The following MUC5AC variants were observed in gnomAD, a reference collection of about 807,000 sequenced individuals.
The protein encoded by MUC5AC is mucin-5AC.
Under a neutral mutation model 169.7 loss-of-function variants are expected in MUC5AC, and 158 were observed. The ratio of observed to expected loss-of-function variants is 0.93; its 90% CI spans 0.82 to 1.06. The LOEUF is 1.06. Among genes scored for constraint, MUC5AC ranks in the 50% least tolerant of loss-of-function variants. MUC5AC has a pLI of 0.00. For synonymous variants in MUC5AC, 1,975 were observed against 1,237.0 expected, an observed-to-expected ratio of 1.60 and a Z score of -12.52; for missense variants, 4,359 against 3,089.9, an observed-to-expected ratio of 1.41 and a Z score of -9.74.
rs773943954 is a variant in MUC5AC, at chr11:1,200,603, G to C, written c.16866G>C (p.Pro5622=). 12 of 764,382 alleles carry C rather than the reference G, an allele frequency of 1.6e-5. No homozygotes were observed. The Admixed American group carries it at 1.9e-4, about 12-fold the overall frequency. The allele number at this position is 764,382 out of a possible 1,614,324, so 47.3% of individuals were successfully genotyped here. Residue 5622 remains proline (P), a synonymous_variant, in exon 49 of 49, where the codon CCG becomes CCC. Coordinates refer to ENST00000621226, the MANE Select transcript of MUC5AC (RefSeq NM_001304359.2). The part of the protein sequence containing the change: ...CGCMGRRCPA[P]GDTQHSEEAE... ...GCATGGGCCGGCGGTGCCCTGCGCC[G>C]GGCGACACCCAGCACTCGGAGGAGG... is the stretch of plus-strand genomic sequence containing the variant.
intron 2 of MUC5AC, 68 bp from the exon 3 acceptor site, chr11:1,161,456 TCTC>T (rs1860137448): frequency 1.5e-6 from 2 of 1,303,662 alleles, no homozygotes; most frequent in Admixed American, 2.6e-5. Context: ...CTCTGGAACG[TCTC>T]CTCTGGCTGC....
At chr11:1,176,310 C>A (rs942808030) in intron 20 of MUC5AC, 59 bp downstream of exon 20, 18 of 398,608 alleles carry the variant, frequency 4.5e-5, no homozygotes, top group Non-Finnish European at 6.6e-5. Flanking sequence ...CTGCTAAGGG[C>A]GCCTGTCCCC....
At chr11:1,196,799 G>A (rs1047919672) in intron 39 of MUC5AC, 78 bp from the exon 40 acceptor site, 2 of 737,524 alleles carry the variant, frequency 2.7e-6, no homozygotes, top group Non-Finnish European at 4.9e-6. Flanking sequence ...GGTCTACCCT[G>A]GCCCCAATAT....
chr11:1,200,946 G>A lies in MUC5AC; in HGVS notation c.*244G>A. The A allele has an allele frequency of 2.5e-6, 1 of 397,286 alleles. No homozygotes were observed. Among genetic ancestry groups the A allele is most frequent in the Non-Finnish European group, 4.5e-6 (1 of 221,900 alleles). 24.6% of individuals were successfully genotyped at this position (397,286 alleles called of 1,614,324 possible). On this transcript the variant is annotated 3_prime_UTR_variant, in exon 49 of 49. Transcript: ENST00000621226. ...CCCCGGGGCTGGCCGAGCTCCTCTG[G>A]CCATGCATCCAGCCTGCTGTTCTGG...
In MUC5AC at chr11:1,192,079, G is replaced by T. The variant is rs374835417; in HGVS notation, c.13934G>T (p.Gly4645Val). 44 of 764,996 alleles carry T rather than the reference G, an allele frequency of 5.8e-5. No individual in the cohort carries two copies. In the African/African-American group the frequency reaches 6.8e-4, roughly 12 times the overall value. The allele number at this position is 764,996 out of a possible 1,614,324, so 47.4% of individuals were successfully genotyped here. ...TTCGACGTGGACTTCCCATCCCCTG[G>T]ACCCCACGGCGGGGACAAGGAAACC... The part of the protein sequence containing the change: ...KWFDVDFPSP[G>V]PHGGDKETYN... The change falls in exon 31 of 49, where the codon GGA (glycine) becomes GTA (valine). Residue 4645 changes from glycine to valine, a missense_variant. By Grantham distance (109) the Gly-to-Val change is moderately radical. Coordinates refer to ENST00000621226, the MANE Select transcript of MUC5AC (RefSeq NM_001304359.2).
At position 1,182,751 on chromosome 11, in the gene MUC5AC, A is replaced by G. The variant is rs1860844365; in HGVS notation, c.4606A>G (p.Thr1536Ala). 2.5e-6 allele frequency: 1 copy of G among 398,134 alleles called. No individual in the cohort carries two copies. Among genetic ancestry groups the G allele is most frequent in the African/African-American group, 2.1e-5 (1 of 48,526 alleles). 24.7% of individuals were successfully genotyped at this position (398,134 alleles called of 1,614,324 possible). The change falls in exon 31 of 49, where the codon ACT (threonine) becomes GCT (alanine). Residue 1536 changes from threonine to alanine, a missense_variant. Coordinates refer to ENST00000621226, the MANE Select transcript of MUC5AC (RefSeq NM_001304359.2). The part of the protein sequence containing the change: ...APGTATSVKK[T>A]FSTPSPPPVP... ...AGGTACCGCTACCTCTGTCAAAAAA[A>G]CTTTCTCAACTCCCAGCCCTCCGCC...
chr11:1,159,531 T>C (rs1007500541), intron 1 of MUC5AC, among the ~76,000 whole-genome samples: 112 of 64,932 alleles, frequency 1.7e-3, no homozygotes, highest in Middle Eastern at 0.026. Context: ...ACCATGCTGG[T>C]TCTGTGCGGG....
chr11:1,183,614 C>T lies in MUC5AC; in HGVS notation c.5469C>T (p.Asp1823=). ...AGGGCCTGGTGTGCCGGAACCAGGA[C>T]CAGCAGGGACCCTTCAAGATGTGCC... ...REEGLVCRNQ[D]QQGPFKMCLN... Residue 1823 remains aspartate (D), a synonymous_variant, in exon 31 of 49, where the codon GAC becomes GAT. Transcript: ENST00000621226. 7.8e-6 allele frequency: 5 copies of T among 642,428 alleles called. No individual in the cohort carries two copies. The East Asian group carries it at 1.3e-4, about 17-fold the overall frequency. 39.8% of individuals were successfully genotyped at this position (642,428 alleles called of 1,614,324 possible).
In MUC5AC at chr11:1,188,270, C is replaced by A; in HGVS notation, c.10125C>A (p.Thr3375=). The A allele has an allele frequency of 1.4e-6, 1 of 698,092 alleles. No individual in the cohort carries two copies. The highest frequency in any genetic ancestry group is 2.6e-6 in the Non-Finnish European group (1 of 385,392). 43.2% of individuals were successfully genotyped at this position (698,092 alleles called of 1,614,324 possible). Residue 3375 remains threonine, a synonymous_variant, in exon 31 of 49, where the codon ACC becomes ACA. Transcript: ENST00000621226. ...STTSTPQTST[T]SAPTTSTTSA... ...CCTCCACTCCACAGACCAGCACAAC[C>A]TCTGCTCCTACAACCAGCACAACCT...
Position 1,177,019 on chromosome 11 carries a change from G to A in MUC5AC, c.2746G>A (p.Gly916Arg), listed in dbSNP as rs1216916623. 8 of 398,864 alleles carry A rather than the reference G, an allele frequency of 2.0e-5. No homozygotes were observed. Among genetic ancestry groups the A allele is most frequent in the East Asian group, 1.1e-4 (3 of 28,098 alleles). 24.7% of individuals were successfully genotyped at this position (398,864 alleles called of 1,614,324 possible). A position where few individuals can be genotyped will look rare whatever the true frequency, so the allele number is the denominator to read the frequency against. Reference sequence around the variant, plus strand: ...GGACGGCCACTACCTCACCTTCGACGGACAGAGCTACAGCTTCAACGGAGA... The same window carrying A: ...GGACGGCCACTACCTCACCTTCGACAGACAGAGCTACAGCTTCAACGGAGA... ...YGDGHYLTFDGQSYSFNGDCE... is the reference protein window; with the variant it reads ...YGDGHYLTFDRQSYSFNGDCE... The change falls in exon 22 of 49, where the codon GGA becomes AGA. Residue 916 changes from glycine to arginine, a missense_variant. Physicochemically the swap from Gly to Arg is moderately radical, Grantham distance 125. Transcript: ENST00000621226.
chr11:1,192,499 A>C lies in MUC5AC; in HGVS notation c.14354A>C (p.Asn4785Thr), dbSNP rs779558140. 1.3e-6 allele frequency: 1 copy of C among 765,060 alleles called. No individual in the cohort carries two copies. Among genetic ancestry groups the C allele is most frequent in the Admixed American group, 1.7e-5 (1 of 59,030 alleles). The allele number at this position is 765,060 out of a possible 1,614,324, so 47.4% of individuals were successfully genotyped here. ...TACTCCACCCAAACCTGCTTCTGCAACGTGGCTGACCGGCTCTACCCTGCA... is the reference window on the plus strand; with the variant it reads ...TACTCCACCCAAACCTGCTTCTGCACCGTGGCTGACCGGCTCTACCCTGCA... ...VAYSTQTCFC[N>T]VADRLYPAGS... Residue 4785 changes from asparagine to threonine, a missense_variant, in exon 31 of 49, where the codon AAC becomes ACC. Physicochemically the swap from Asn to Thr is moderately conservative, Grantham distance 65 (BLOSUM62 0). Transcript: ENST00000621226.
Position 1,163,992 on chromosome 11 carries a change from G to T in MUC5AC, c.789+1G>T. ...CCCGAGGAACTGCTCCACTGGCTTT[G>T]TAAGCCTTGGAGGGAACAGAGGGCC... is the stretch of plus-strand genomic sequence containing the variant. On this transcript the variant is annotated splice_donor_variant, in intron 7 of 48. Coordinates refer to ENST00000621226, the MANE Select transcript of MUC5AC (RefSeq NM_001304359.2). LOFTEE classifies it high-confidence loss of function. 3.7e-6 allele frequency: 6 copies of T among 1,610,168 alleles called. No homozygotes were observed. The highest frequency in any genetic ancestry group is 4.2e-6 in the Non-Finnish European group (5 of 1,178,690).
Position 1,195,871 on chromosome 11 carries a change from C to A in MUC5AC, c.15459-5C>A. On this transcript the variant is annotated splice_polypyrimidine_tract_variant and splice_region_variant and intron_variant, in intron 36 of 48. Transcript: ENST00000621226. ...CACCCAGCACCCTGCCCATCCCTCCCACAGGGTCTTTGAGCCGTGCCACAC... is the reference window on the plus strand; with the variant it reads ...CACCCAGCACCCTGCCCATCCCTCCAACAGGGTCTTTGAGCCGTGCCACAC... 2 of 764,014 alleles carry A rather than the reference C, an allele frequency of 2.6e-6. No homozygotes were observed. Among genetic ancestry groups the A allele is most frequent in the South Asian group, 2.7e-5 (2 of 74,554 alleles). The allele number at this position is 764,014 out of a possible 1,614,324, so 47.3% of individuals were successfully genotyped here.
In MUC5AC at chr11:1,182,341, G is replaced by A. The variant is rs1860834355; in HGVS notation, c.4196G>A (p.Gly1399Glu). The change falls in exon 31 of 49, where the codon GGA becomes GAA. Residue 1399 changes from glycine to glutamate, a missense_variant. Gly to Glu is a moderately conservative substitution (Grantham distance 98). Transcript: ENST00000621226. Reference sequence around the variant, plus strand: ...CCATGGATGGATGTCAGCCGCCCTGGACGGGGCACGGACAGCGGTGACTTC... The same window carrying A: ...CCATGGATGGATGTCAGCCGCCCTGAACGGGGCACGGACAGCGGTGACTTC... Reference protein sequence around the residue: ...WSPWMDVSRPGRGTDSGDFDT... With the variant: ...WSPWMDVSRPERGTDSGDFDT... 2.5e-6 allele frequency: 1 copy of A among 398,444 alleles called. No individual in the cohort carries two copies. 24.7% of individuals were successfully genotyped at this position (398,444 alleles called of 1,614,324 possible).
chr11:1,178,385 G>A, intron 24 of MUC5AC, 59 bp from the exon 25 acceptor site: 1 of 432,928 alleles, frequency 2.3e-6, no homozygotes, highest in Non-Finnish European at 3.9e-6. Flanking sequence ...TAGGGGCAGG[G>A]TGGCTCTGGC....
chr11:1,185,720 C>T lies in MUC5AC; in HGVS notation c.7575C>T (p.Thr2525=). 3 of 742,828 alleles carry T rather than the reference C, an allele frequency of 4.0e-6. No homozygotes were observed. The highest frequency in any genetic ancestry group is 2.3e-4 in the Middle Eastern group (1 of 4,402). 46.0% of individuals were successfully genotyped at this position (742,828 alleles called of 1,614,324 possible). A position where few individuals can be genotyped will look rare whatever the true frequency, so the allele number is the denominator to read the frequency against. The change falls in exon 31 of 49, where the codon ACC becomes ACT. Residue 2525 remains threonine, a synonymous_variant. Coordinates refer to ENST00000621226, the MANE Select transcript of MUC5AC (RefSeq NM_001304359.2). ...STTSASTTST[T]SGAGTTPSPV... Reference sequence around the variant, plus strand: ...CCTCTGCTTCTACAACCAGCACAACCTCTGGTGCTGGAACTACTCCCAGCC... The same window carrying T: ...CCTCTGCTTCTACAACCAGCACAACTTCTGGTGCTGGAACTACTCCCAGCC...
chr11:1,191,216 T>C lies in MUC5AC; in HGVS notation c.13071T>C (p.Pro4357=). ...CCACCACCAGCACAACCTCTGCTCC[T>C]ACAACCAGCACAACCTCTGCCTCTA... ...PVPTTSTTSA[P]TTSTTSASTA... Residue 4357 remains proline, a synonymous_variant, in exon 31 of 49, where the codon CCT becomes CCC. Transcript: ENST00000621226. 1.4e-6 allele frequency: 1 copy of C among 736,898 alleles called. No homozygotes were observed. The highest frequency in any genetic ancestry group is 1.4e-5 in the South Asian group (1 of 72,752). 45.6% of individuals were successfully genotyped at this position (736,898 alleles called of 1,614,324 possible).
chr11:1,182,031 C>T (rs900453377), intron 30 of MUC5AC, 124 bp from the exon 31 acceptor site: 10 of 398,044 alleles, frequency 2.5e-5, no homozygotes, highest in East Asian at 1.8e-4. Flanking sequence ...GCAGGGACCG[C>T]GGGTGGGGAC....
chr11:1,178,715 C>T (rs1298092199), intron 25 of MUC5AC, 32 bp downstream of exon 25: 18 of 1,151,508 alleles, frequency 1.6e-5, no homozygotes, highest in Non-Finnish European at 2.0e-5. Flanking sequence ...TCTCTGGGCC[C>T]AAGGGGGTCA....
Sources: allele counts gnomAD v4.1 joint callset (sites outside exome capture counted in the v4.1 genomes callset), GRCh38; gene constraint gnomAD v4.1.1; transcripts MANE v1.5; gene names NCBI Gene and HGNC (gene_info 2026-07-23, HGNC 2026-07-21).